ENTPD1: variants seen among roughly 807,000 people sequenced by gnomAD.
ENTPD1 encodes the protein ATP diphosphohydrolase.
Under a neutral mutation model 57.0 loss-of-function variants are expected in ENTPD1, and 33 were observed. That is an observed-to-expected ratio of 0.58 (90% CI 0.44 to 0.77). ENTPD1 has a LOEUF of 0.77. Ranked by LOEUF, ENTPD1 falls within the 30% of genes least tolerant of loss-of-function variation. The pLI is 0.00. For synonymous variants in ENTPD1, 202 were observed against 218.8 expected, an observed-to-expected ratio of 0.92 and a Z score of 0.68; for missense variants, 501 against 603.4, an observed-to-expected ratio of 0.83 and a Z score of 1.78.
intron 8 of ENTPD1, among the ~76,000 whole-genome samples, chr10:95,863,508 G>T (rs1183474291): frequency 6.6e-6 from 1 of 152,192 alleles, no homozygotes; most frequent in African/African-American, 2.4e-5. Flanking sequence ...CACATGCAGA[G>T]GAATCAATCA....
intron 1 of ENTPD1, among the ~76,000 whole-genome samples, chr10:95,806,884 C>T (rs1010368642): frequency 3.9e-5 from 6 of 152,148 alleles, no homozygotes; most frequent in Non-Finnish European, 5.9e-5. Flanking sequence ...CTGGAAGCTT[C>T]GTCCCAAAAG....
chr10:95,755,790 C>A, upstream of ENTPD1: 1 of 1,526,994 alleles, frequency 6.5e-7, no homozygotes, highest in South Asian at 1.2e-5. Context: ...TATTATCTAG[C>A]TTCATAATTG....
chr10:95,868,506 G>T lies in ENTPD1; in HGVS notation c.*2123G>T, dbSNP rs367731220. ...AGTAGATTGACATCAAATAGTGGCCGATGATGATGAAAATAAAGGTCAAAT... is the reference window on the plus strand; with the variant it reads ...AGTAGATTGACATCAAATAGTGGCCTATGATGATGAAAATAAAGGTCAAAT... On this transcript the variant is annotated 3_prime_UTR_variant, in exon 10 of 10. Transcript: ENST00000371205. 4.2e-5 allele frequency: 41 copies of T among 985,254 alleles called. No individual in the cohort carries two copies. The highest frequency in any genetic ancestry group is 4.9e-5 in the Non-Finnish European group (41 of 829,936). 61.0% of individuals were successfully genotyped at this position (985,254 alleles called of 1,614,324 possible).
intron 1 of ENTPD1, 85 bp from the exon 2 acceptor site, chr10:95,823,152 C>T: frequency 6.5e-7 from 1 of 1,543,274 alleles, no homozygotes. Flanking sequence ...CTCCAGGTAG[C>T]CATTACAAGA....
chr10:95,753,645 T>C (rs2098015676), upstream of ENTPD1: 1 of 152,240 alleles, frequency 6.6e-6, no homozygotes, highest in South Asian at 2.1e-4. Context: ...TAACCTTTTG[T>C]CGACAACGTC....
chr10:95,739,837 A>T (rs1465984863), intron 1 of ENTPD1, among the ~76,000 whole-genome samples: 1 of 152,218 alleles, frequency 6.6e-6, no homozygotes, highest in Non-Finnish European at 1.5e-5. Flanking sequence ...GACTTATGAA[A>T]TGTATTTCTT....
At chr10:95,839,594 C>T in intron 2 of ENTPD1, 97 bp from the exon 3 acceptor site, 3 of 1,209,174 alleles carry the variant, frequency 2.5e-6, no homozygotes, top group Non-Finnish European at 3.7e-6. Flanking sequence ...AATACTTTCT[C>T]CTCATGTTTT....
At chr10:95,853,448 G>T (rs374176757) in intron 7 of ENTPD1, among the ~76,000 whole-genome samples, 50 of 152,148 alleles carry the variant, frequency 3.3e-4, no homozygotes, top group South Asian at 2.7e-3. Flanking sequence ...GATTGCCCTG[G>T]CCAGAACTTC....
At chr10:95,719,528 T>C (rs2097975216) in intron 1 of ENTPD1, among the ~76,000 whole-genome samples, 2 of 152,242 alleles carry the variant, frequency 1.3e-5, no homozygotes, top group Non-Finnish European at 2.9e-5. Flanking sequence ...ATAGGCTGGA[T>C]ACGTTCCTTA....
intron 8 of ENTPD1, among the ~76,000 whole-genome samples, chr10:95,864,400 CAA>C (rs1434537874): frequency 6.6e-6 from 1 of 152,214 alleles, no homozygotes; most frequent in African/African-American, 2.4e-5. Context: ...TCAGATTAAA[CAA>C]AGTCTAGGGC....
intron 1 of ENTPD1, among the ~76,000 whole-genome samples, chr10:95,768,134 A>G (rs2098097811): frequency 1.3e-5 from 2 of 152,254 alleles, no homozygotes; most frequent in Admixed American, 1.3e-4. Flanking sequence ...AGTCTGTTGT[A>G]GCAGCACAAA....
chr10:95,750,823 GAC>G (rs546162040), upstream of ENTPD1, among the ~76,000 whole-genome samples: 45 of 152,284 alleles, frequency 3.0e-4, no homozygotes, highest in African/African-American at 1.0e-3. Context: ...AGGAGTTCGA[GAC>G]CAGCCTGGCC....
intron 1 of ENTPD1, among the ~76,000 whole-genome samples, chr10:95,814,629 C>G (rs2098323510): frequency 6.6e-6 from 1 of 152,044 alleles, no homozygotes; most frequent in Non-Finnish European, 1.5e-5. Flanking sequence ...CTCAAGGGGT[C>G]CACTCAGTAT....
intron 1 of ENTPD1, among the ~76,000 whole-genome samples, chr10:95,799,745 C>T (rs539173036): frequency 6.6e-6 from 1 of 152,360 alleles, no homozygotes; most frequent in South Asian, 2.1e-4. Context: ...CTAATTTACA[C>T]TACCACCAAT....
chr10:95,740,250 C>T (rs527932468), intron 1 of ENTPD1, among the ~76,000 whole-genome samples: 6 of 152,276 alleles, frequency 3.9e-5, no homozygotes, highest in South Asian at 2.1e-4. Flanking sequence ...CTCGGCCTCC[C>T]GAATAGCTGG....
intron 1 of ENTPD1, among the ~76,000 whole-genome samples, chr10:95,804,544 G>A (rs1428593599): frequency 6.6e-6 from 1 of 152,234 alleles, no homozygotes; most frequent in Non-Finnish European, 1.5e-5. Context: ...TTTGTTTCCT[G>A]TGACTTTGCT....
At chr10:95,745,922 G>T (rs561050909) in intron 1 of ENTPD1, among the ~76,000 whole-genome samples, 37 of 152,134 alleles carry the variant, frequency 2.4e-4, no homozygotes, top group Non-Finnish European at 4.3e-4. Context: ...ATTCCTCCCT[G>T]ACTACCTGGA....
At chr10:95,799,287 T>C (rs930490670) in intron 1 of ENTPD1, among the ~76,000 whole-genome samples, 3 of 152,116 alleles carry the variant, frequency 2.0e-5, no homozygotes, top group Non-Finnish European at 4.4e-5. Context: ...TTATCCTCTC[T>C]CTCCTCCCAC....
intron 1 of ENTPD1, among the ~76,000 whole-genome samples, chr10:95,735,299 G>A (rs550901022): frequency 3.9e-5 from 6 of 152,286 alleles, no homozygotes; most frequent in South Asian, 4.1e-4. Context: ...GATTATAGAC[G>A]TGAGCCATCA....
Sources: gnomAD v4.1 joint callset for allele counts (sites outside exome capture counted in the v4.1 genomes callset) on GRCh38, gnomAD v4.1.1 for gene constraint, MANE v1.5 for transcripts, NCBI Gene and HGNC (gene_info 2026-07-23, HGNC 2026-07-21) for gene names.